The following OR9G4 variants were observed in gnomAD, a reference collection of about 807,000 sequenced individuals.
The protein encoded by OR9G4 is olfactory receptor 9G4.
A neutral mutation model predicts 16.7 loss-of-function variants in OR9G4; 19 were observed. The observed-to-expected ratio is 1.14, with a 90% CI of 0.79 to 1.67. The LOEUF is 1.67. Among genes scored for constraint, OR9G4 ranks in the 40% most tolerant of loss-of-function variants. The pLI, the probability that OR9G4 is intolerant of heterozygous loss-of-function variation, is 0.00. For synonymous variants in OR9G4, 182 were observed against 146.2 expected (o/e 1.24, Z -1.76); for missense variants, 428 against 370.4 (o/e 1.16, Z -1.28).
chr11:56,745,609 G>A (rs2135061303), intron 1 of OR9G4, among the ~76,000 whole-genome samples: 1 of 151,952 alleles, frequency 6.6e-6, no homozygotes, highest in East Asian at 1.9e-4. Context: ...GCAAAATCCT[G>A]TCTCTACTAA....
rs1222307499 is a variant in OR9G4, at chr11:56,741,247, TTA to T, written c.*1579_*1580del. 34 of 333,722 alleles carry T rather than the reference TTA, an allele frequency of 1.0e-4. No homozygotes were observed. Among genetic ancestry groups the T allele is most frequent in the African/African-American group, 8.4e-4 (34 of 40,330 alleles). The allele number at this position is 333,722 out of a possible 1,614,324, so 20.7% of individuals were successfully genotyped here. ...TGTTTCTTTGTGTTTCGTTTGTTTG[TTA>T]TGATTTTGAGATCAGACTATAATAT... On this transcript the variant is annotated 3_prime_UTR_variant, in exon 2 of 2. Transcript: ENST00000641668.
chr11:56,746,016 G>T (rs1196210062), intron 1 of OR9G4, among the ~76,000 whole-genome samples: 1 of 151,482 alleles, frequency 6.6e-6, no homozygotes, highest in African/African-American at 2.4e-5. Context: ...CCTATGGGCC[G>T]GGCGCGGTGG....
Position 56,742,738 on chromosome 11 carries a change from A to G in OR9G4, c.*90T>C. The G allele has an allele frequency of 9.0e-7, 1 of 1,111,756 alleles. No individual in the cohort carries two copies. Among genetic ancestry groups the G allele is most frequent in the Non-Finnish European group, 1.3e-6 (1 of 766,654 alleles). The allele number at this position is 1,111,756 out of a possible 1,614,324, so 68.9% of individuals were successfully genotyped here. A position where few individuals can be genotyped will look rare whatever the true frequency, so the allele number is the denominator to read the frequency against. The stretch of plus-strand genomic sequence containing the variant: ...TAATGTTTTAAATATGACTTATTGA[A>G]CTTAATTGAACTACAGAAATGCAAA... On this transcript the variant is annotated 3_prime_UTR_variant, in exon 2 of 2. Transcript: ENST00000641668.
intron 1 of OR9G4, among the ~76,000 whole-genome samples, chr11:56,744,663 C>T (rs1858376062): frequency 6.6e-6 from 1 of 152,072 alleles, no homozygotes; most frequent in Non-Finnish European, 1.5e-5. Flanking sequence ...ATAGGCAGCT[C>T]CATGTGGATT....
In OR9G4 at chr11:56,741,440, T is replaced by C; in HGVS notation, c.*1388A>G. 5.9e-6 allele frequency: 1 copy of C among 168,142 alleles called. No individual in the cohort carries two copies. The highest frequency in any genetic ancestry group is 1.3e-5 in the Non-Finnish European group (1 of 78,390). The allele number at this position is 168,142 out of a possible 1,614,324, so 10.4% of individuals were successfully genotyped here. On this transcript the variant is annotated 3_prime_UTR_variant, in exon 2 of 2. Transcript: ENST00000641668. ...TGACCCAATTATTTTTCCTACATAG[T>C]GACTATTATGGAGATGAAAAGAAAA...
Position 56,743,269 on chromosome 11 carries a change from C to A in OR9G4, c.498G>T (p.Leu166=). Residue 166 remains leucine, a synonymous_variant, in exon 2 of 2, where the codon CTG becomes CTT. Coordinates refer to ENST00000641668, the MANE Select transcript of OR9G4 (RefSeq NM_001005284.2). Reference sequence around the variant, plus strand: ...CAATGATATTTTTACCACAAAAATGCAGGCGGAATGTATTGGCAGTATGGG... The same window carrying A: ...CAATGATATTTTTACCACAAAAATGAAGGCGGAATGTATTGGCAGTATGGG... ...AIAHTANTFR[L]HFCGKNIIDH... is the part of the protein sequence containing the mutation. 4.3e-6 allele frequency: 7 copies of A among 1,614,078 alleles called. No individual in the cohort carries two copies. The highest frequency in any genetic ancestry group is 5.9e-6 in the Non-Finnish European group (7 of 1,180,024).
chr11:56,746,104 T>G (rs920473396), intron 1 of OR9G4, among the ~76,000 whole-genome samples: 1 of 151,630 alleles, frequency 6.6e-6, no homozygotes, highest in African/African-American at 2.4e-5. Context: ...CCATCCCGGC[T>G]AAAACGGTGA....
In OR9G4 at chr11:56,743,614, A is replaced by T. The variant is rs1315562587; in HGVS notation, c.153T>A (p.Thr51=). The change falls in exon 2 of 2, where the codon ACT becomes ACA. Residue 51 remains threonine (T), a synonymous_variant. Coordinates refer to ENST00000641668, the MANE Select transcript of OR9G4 (RefSeq NM_001005284.2). ...GNMTLVILIR[T]DSHLHTPMYF... ...ACATAGGTGTATGCAAGTGGGAATC[A>T]GTTCGGATTAAGATAACCAAGGTCA... 1.2e-6 allele frequency: 2 copies of T among 1,614,112 alleles called. No homozygotes were observed. Among genetic ancestry groups the T allele is most frequent in the South Asian group, 2.2e-5 (2 of 91,080 alleles).
Position 56,741,902 on chromosome 11 carries a change from C to G in OR9G4, c.*926G>C, listed in dbSNP as rs1011169986. ...ATATCAGGGTTTAGGGAATTGGGCT[C>G]GAGGCCAAGGCTAGTTTCCATGTGG... On this transcript the variant is annotated 3_prime_UTR_variant, in exon 2 of 2. Transcript: ENST00000641668. 1.3e-5 allele frequency: 2 copies of G among 152,148 alleles called. No homozygotes were observed. The highest frequency in any genetic ancestry group is 4.8e-5 in the African/African-American group (2 of 41,418). 9.4% of individuals were successfully genotyped at this position (152,148 alleles called of 1,614,324 possible).
At chr11:56,745,987 T>TTTTTTTTTTTTTTTTTGAGACG (rs1858404640) in intron 1 of OR9G4, among the ~76,000 whole-genome samples, 1 of 151,744 alleles carries the variant, frequency 6.6e-6, no homozygotes, top group East Asian at 2.0e-4. Context: ...TACACATTCT[T>TTTTTTTTTTTTTTTTTGAGACG]GTGTCCTTAA....
intron 1 of OR9G4, among the ~76,000 whole-genome samples, chr11:56,746,379 C>T (rs1166601465): frequency 6.7e-6 from 1 of 150,190 alleles, no homozygotes; most frequent in Middle Eastern, 3.5e-3. Flanking sequence ...TCTTTATCTG[C>T]AAATAATTAA....
chr11:56,744,027 C>G, intron 1 of OR9G4: 1 of 449,894 alleles, frequency 2.2e-6, no homozygotes, highest in Non-Finnish European at 3.9e-6. Context: ...ATATTCTCAT[C>G]AAACATGAAA....
chr11:56,744,054 A>G (rs1228077729), intron 1 of OR9G4: 1 of 442,578 alleles, frequency 2.3e-6, no homozygotes, highest in Non-Finnish European at 3.9e-6. Flanking sequence ...TGAAACTCAC[A>G]AGGATAACTA....
chr11:56,743,023 G>T lies in OR9G4; in HGVS notation c.744C>A (p.Val248=). ...FSTCASHLIS[V]MLFYGSLLFM... ...ACAACAATGATCCATAGAAGAGCAT[G>T]ACTGAGATGAGGTGGGAAGCACAGG... Residue 248 remains valine (V), a synonymous_variant, in exon 2 of 2, where the codon GTC becomes GTA. Transcript: ENST00000641668. 1.2e-6 allele frequency: 2 copies of T among 1,613,996 alleles called. No homozygotes were observed. Among genetic ancestry groups the T allele is most frequent in the Non-Finnish European group, 1.7e-6 (2 of 1,179,850 alleles).
rs573651136 is a variant in OR9G4 at position 56,741,268 on chromosome 11, A to G, written c.*1560T>C. 2 of 336,524 alleles carry G rather than the reference A, an allele frequency of 5.9e-6. No homozygotes were observed. The highest frequency in any genetic ancestry group is 4.2e-5 in the Admixed American group (1 of 23,826). The allele number at this position is 336,524 out of a possible 1,614,324, so 20.8% of individuals were successfully genotyped here. A position where few individuals can be genotyped will look rare whatever the true frequency, so the allele number is the denominator to read the frequency against. On this transcript the variant is annotated 3_prime_UTR_variant, in exon 2 of 2. Transcript: ENST00000641668. ...TTTGTTATGATTTTGAGATCAGACT[A>G]TAATATATACTACAGTATTGTAGAT... is the stretch of plus-strand genomic sequence containing the variant.
chr11:56,745,515 C>A (rs1189329890), intron 1 of OR9G4, among the ~76,000 whole-genome samples: 4 of 152,122 alleles, frequency 2.6e-5, no homozygotes, highest in African/African-American at 9.7e-5. Context: ...TGCGGTGGCT[C>A]ACACCTGTAA....
Position 56,743,447 on chromosome 11 carries a change from A to G in OR9G4, c.320T>C (p.Val107Ala), listed in dbSNP as rs1467460038. The change falls in exon 2 of 2, where the codon GTA becomes GCA. Residue 107 changes from valine to alanine, a missense_variant. Physicochemically the swap from Val to Ala is moderately conservative, Grantham distance 64. Coordinates refer to ENST00000641668, the MANE Select transcript of OR9G4 (RefSeq NM_001005284.2). Reference sequence around the variant, plus strand: ...CAGGAGATAGCATTCAGTGTAGGCTACAACACAGGAAAAAAACAGCTGAGC... The same window carrying G: ...CAGGAGATAGCATTCAGTGTAGGCTGCAACACAGGAAAAAAACAGCTGAGC... ...CGAQLFFSCV[V>A]AYTECYLLAA... The G allele has an allele frequency of 1.5e-5, 24 of 1,614,170 alleles. No individual in the cohort carries two copies. The highest frequency in any genetic ancestry group is 2.0e-5 in the Non-Finnish European group (24 of 1,180,036).
In OR9G4 at chr11:56,743,239, G is replaced by C. The variant is rs773729880; in HGVS notation, c.528C>G (p.His176Gln). ...LHFCGKNIID[H>Q]FFCDAPPLVK... ...CCAATGGTGGTGCATCACAGAAAAA[G>C]TGGTCAATGATATTTTTACCACAAA... is the stretch of plus-strand genomic sequence containing the variant. Residue 176 changes from histidine to glutamine, a missense_variant, in exon 2 of 2, where the codon CAC (histidine) becomes CAG (glutamine). Coordinates refer to ENST00000641668, the MANE Select transcript of OR9G4 (RefSeq NM_001005284.2). 5.5e-5 allele frequency: 89 copies of C among 1,614,020 alleles called. No individual in the cohort carries two copies. The highest frequency in any genetic ancestry group is 7.3e-5 in the Non-Finnish European group (86 of 1,180,008).
chr11:56,746,926 C>G (rs1296639990), intron 1 of OR9G4, among the ~76,000 whole-genome samples: 3 of 152,122 alleles, frequency 2.0e-5, no homozygotes, highest in Non-Finnish European at 2.9e-5. Context: ...CTCATCTACA[C>G]CCTTGTTCCC....
Sources: allele counts gnomAD v4.1 joint callset (sites outside exome capture counted in the v4.1 genomes callset), GRCh38; gene constraint gnomAD v4.1.1; transcripts MANE v1.5; gene names NCBI Gene and HGNC (gene_info 2026-07-23, HGNC 2026-07-21).